The following SIPA1L2 variants were observed in gnomAD, a reference collection of about 807,000 sequenced individuals.
The protein encoded by SIPA1L2 is signal-induced proliferation-associated 1-like protein 2.
A neutral mutation model predicts 163.9 loss-of-function variants in SIPA1L2; 56 were observed. The ratio of observed to expected loss-of-function variants is 0.34; its 90% CI spans 0.28 to 0.43. The LOEUF (loss-of-function observed/expected upper bound fraction) is 0.43, where lower values mean the gene tolerates loss of function less well. Ranked by LOEUF, SIPA1L2 falls within the 20% of genes least tolerant of loss-of-function variation. SIPA1L2 has a pLI of 1.00. For missense variants in SIPA1L2, 1,974 were observed against 2,193.5 expected (o/e 0.90, Z 2.00); for synonymous variants, 877 against 865.7 (o/e 1.01, Z -0.23).
At chr1:232,445,843 G>A in intron 10 of SIPA1L2, 57 bp from the exon 11 acceptor site, 1 of 1,573,110 alleles carries the variant, frequency 6.4e-7, no homozygotes. Flanking sequence ...CTGTCAGCAT[G>A]GCTTACTCAC....
rs369204915 is a variant in SIPA1L2 at position 232,436,800 on chromosome 1, C to T, written c.4031+2308G>A. ...CGCCTCCTGTGCAGCTCGGGGGGCA[C>T]GCAAGAGGAAGTGTTAAAAAGATTT... On this transcript the variant is annotated intron_variant, in intron 15 of 22. Transcript: ENST00000674635. Among the ~76,000 whole-genome samples, 5 of 152,114 alleles carry T rather than the reference C, an allele frequency of 3.3e-5. No homozygotes were observed. In the South Asian group the frequency reaches 6.2e-4, roughly 19 times the overall value.
intron 7 of SIPA1L2, among the ~76,000 whole-genome samples, chr1:232,478,750 A>G (rs986484562): frequency 6.6e-6 from 1 of 152,264 alleles, no homozygotes; most frequent in Non-Finnish European, 1.5e-5. Context: ...TGAATCAGTT[A>G]TAAGATCCTA....
intron 15 of SIPA1L2, among the ~76,000 whole-genome samples, chr1:232,437,989 G>T (rs1016633858): frequency 3.3e-5 from 5 of 152,090 alleles, no homozygotes; most frequent in African/African-American, 1.2e-4. Flanking sequence ...GAACCTTGAA[G>T]TGCTAGACTT....
intron 19 of SIPA1L2, among the ~76,000 whole-genome samples, chr1:232,405,362 C>T (rs747699228): frequency 2.0e-5 from 3 of 152,260 alleles, no homozygotes; most frequent in Non-Finnish European, 2.9e-5. Context: ...AGATGATAAA[C>T]ATTCTATAAC....
intron 19 of SIPA1L2, among the ~76,000 whole-genome samples, chr1:232,408,516 T>A (rs780849182): frequency 5.0e-4 from 76 of 152,218 alleles, no homozygotes; most frequent in Non-Finnish European, 1.0e-3. Context: ...TTATAATCTT[T>A]ATAATGATAC....
At chr1:232,460,745 G>T in intron 10 of SIPA1L2, 142 bp downstream of exon 10, 1 of 1,006,320 alleles carries the variant, frequency 9.9e-7, no homozygotes. Flanking sequence ...CAACAACATT[G>T]TACAAATGAG....
At chr1:232,541,292 A>G (rs948490314) in intron 2 of SIPA1L2, among the ~76,000 whole-genome samples, 1 of 140,086 alleles carries the variant, frequency 7.1e-6, no homozygotes, top group Non-Finnish European at 1.6e-5. Context: ...ATAACATAAC[A>G]TAACATAACA....
intron 14 of SIPA1L2, among the ~76,000 whole-genome samples, chr1:232,440,053 G>A (rs142247226): frequency 2.6e-5 from 4 of 152,284 alleles, no homozygotes; most frequent in African/African-American, 4.8e-5. Context: ...CAAAGTACAC[G>A]GTAAACACGA....
intron 1 of SIPA1L2, among the ~76,000 whole-genome samples, chr1:232,611,294 T>C (rs906073198): frequency 6.6e-6 from 1 of 152,138 alleles, no homozygotes; most frequent in Non-Finnish European, 1.5e-5. Flanking sequence ...TACAGTAAAT[T>C]GGTACCAGTA....
chr1:232,492,104 G>T (rs148822061), intron 4 of SIPA1L2, among the ~76,000 whole-genome samples: 6 of 152,156 alleles, frequency 3.9e-5, no homozygotes, highest in African/African-American at 1.4e-4. Context: ...TAGGAGAGGG[G>T]CTTTATCTCA....
At chr1:232,483,747 C>G in intron 6 of SIPA1L2, 45 bp downstream of exon 6, 2 of 1,608,230 alleles carry the variant, frequency 1.2e-6, no homozygotes, top group South Asian at 1.1e-5. Flanking sequence ...GCATGCCTAC[C>G]TTTGGAGAAT....
intron 2 of SIPA1L2, among the ~76,000 whole-genome samples, chr1:232,550,784 A>G (rs1440171298): frequency 6.6e-6 from 1 of 152,244 alleles, no homozygotes; most frequent in Non-Finnish European, 1.5e-5. Context: ...AGACAGAGAC[A>G]CTAAAGTCCT....
intron 8 of SIPA1L2, among the ~76,000 whole-genome samples, chr1:232,469,948 T>C (rs2102943052): frequency 6.6e-6 from 1 of 152,116 alleles, no homozygotes; most frequent in South Asian, 2.1e-4. Flanking sequence ...TACCTCATGA[T>C]ATAAGCATAA....
chr1:232,459,925 G>A (rs1359632), intron 10 of SIPA1L2, among the ~76,000 whole-genome samples: 45,759 of 152,050 alleles, frequency 0.3, 7,519 homozygotes, highest in East Asian at 0.58. Context: ...GGAGGTAGGC[G>A]ATATAATAAT....
At chr1:232,400,254 T>C (rs1366617319) in intron 22 of SIPA1L2, among the ~76,000 whole-genome samples, 1 of 152,044 alleles carries the variant, frequency 6.6e-6, no homozygotes, top group African/African-American at 2.4e-5. Context: ...CCCCGGACAT[T>C]CCTCACCACG....
At chr1:232,459,951 G>A (rs757335215) in intron 10 of SIPA1L2, among the ~76,000 whole-genome samples, 4 of 152,204 alleles carry the variant, frequency 2.6e-5, no homozygotes, top group Admixed American at 6.5e-5. Flanking sequence ...CTTACAGAGA[G>A]TAAGTGAGAC....
chr1:232,559,464 A>G (rs1658909471), intron 2 of SIPA1L2, among the ~76,000 whole-genome samples: 1 of 152,222 alleles, frequency 6.6e-6, no homozygotes, highest in Non-Finnish European at 1.5e-5. Flanking sequence ...TGTTCTTGAA[A>G]AGAAATATGC....
intron 2 of SIPA1L2, among the ~76,000 whole-genome samples, chr1:232,568,392 G>T (rs527351977): frequency 2.6e-5 from 4 of 152,306 alleles, no homozygotes; most frequent in East Asian, 3.9e-4. Flanking sequence ...TGCTTGGTGT[G>T]GGGGCAAACT....
At chr1:232,413,678 G>A (rs1000826949) in intron 19 of SIPA1L2, among the ~76,000 whole-genome samples, 3 of 152,144 alleles carry the variant, frequency 2.0e-5, no homozygotes, top group African/African-American at 7.2e-5. Flanking sequence ...ATCTTGATAT[G>A]TATTTTTGAC....
Sources: gnomAD v4.1 joint callset for allele counts (sites outside exome capture counted in the v4.1 genomes callset) on GRCh38, gnomAD v4.1.1 for gene constraint, MANE v1.5 for transcripts, NCBI Gene and HGNC (gene_info 2026-07-23, HGNC 2026-07-21) for gene names.